Variants in PPME1 observed in about 807,000 individuals in gnomAD.
PPME1 encodes protein phosphatase methylesterase 1, also known as testicular secretory protein Li 39.
A neutral mutation model predicts 56.9 loss-of-function variants in PPME1; 17 were observed. The observed-to-expected ratio is 0.30, with a 90% CI of 0.20 to 0.45. The LOEUF (loss-of-function observed/expected upper bound fraction) is 0.45. Among genes scored for constraint, PPME1 ranks in the 20% least tolerant of loss-of-function variants. The pLI, the probability that PPME1 is intolerant of heterozygous loss-of-function variation, is 1.00. For missense variants in PPME1, 357 were observed against 483.2 expected, an observed-to-expected ratio of 0.74 and a Z score of 2.45; for synonymous variants, 122 against 156.2, an observed-to-expected ratio of 0.78 and a Z score of 1.63.
chr11:74,171,434 G>A lies in PPME1; in HGVS notation c.13G>A (p.Glu5Lys), dbSNP rs764593205. The A allele has an allele frequency of 9.9e-6, 16 of 1,612,286 alleles. No individual in the cohort carries two copies. The South Asian group carries it at 1.7e-4, about 17-fold the overall frequency. The change falls in exon 1 of 14, where the codon GAA (glutamate) becomes AAA (lysine). Residue 5 changes from glutamate (E) to lysine (K), a missense_variant. By Grantham distance (56) the Glu-to-Lys change is moderately conservative. Around this residue, in one of 2 missense-constraint regions of PPME1, gnomAD observed 175 missense variants for 189.4 expected, o/e 0.92. Coordinates refer to ENST00000328257, the MANE Select transcript of PPME1 (RefSeq NM_016147.3). ...CAGCCTCCCCTCGATGTCGGCCCTC[G>A]AAAAGAGCATGCACCTCGGCCGCCT... MSAL[E>K]KSMHLGRLPS...
chr11:74,252,332 C>T (rs977090449), intron 13 of PPME1: 2 of 412,622 alleles, frequency 4.8e-6, no homozygotes, highest in African/African-American at 2.0e-5. Context: ...AAGTGATCCA[C>T]CCGCATCGGC....
At chr11:74,189,598 C>A (rs1250449140) in intron 1 of PPME1, among the ~76,000 whole-genome samples, 1 of 152,200 alleles carries the variant, frequency 6.6e-6, no homozygotes, top group Non-Finnish European at 1.5e-5. Flanking sequence ...TTGCACCTGG[C>A]TTGCCTACTG....
chr11:74,217,726 A>G (rs546938175), intron 3 of PPME1, among the ~76,000 whole-genome samples: 2 of 152,112 alleles, frequency 1.3e-5, no homozygotes, highest in South Asian at 2.1e-4. Context: ...ATAAAATTCA[A>G]CATCCCTTCA....
chr11:74,200,997 A>G (rs1858147744), intron 1 of PPME1, among the ~76,000 whole-genome samples: 1 of 149,498 alleles, frequency 6.7e-6, no homozygotes, highest in Non-Finnish European at 1.5e-5. Context: ...TTTTTTTGAG[A>G]TGGAGTCTCG....
rs1293977512 is a variant in PPME1, at chr11:74,230,038, AT to A, written c.399-204del. 6.6e-6 allele frequency among the ~76,000 whole-genome samples: 1 copy of A among 152,210 alleles called. No homozygotes were observed. Among genetic ancestry groups the A allele is most frequent in the Non-Finnish European group, 1.5e-5 (1 of 68,034 alleles). ...TTGGGTTCTTAGTCCTTTACCTGCC[AT>A]TTATCAGGAGAGCTAGGTGTGTGGC... On this transcript the variant is annotated intron_variant, in intron 5 of 13. Transcript: ENST00000328257. This position sits in a 1 kb window ranked among gnomAD's most constrained non-coding sequence, Gnocchi z 4.9.
At chr11:74,218,225 T>C (rs927410504) in intron 3 of PPME1, among the ~76,000 whole-genome samples, 1 of 151,396 alleles carries the variant, frequency 6.6e-6, no homozygotes, top group Non-Finnish European at 1.5e-5. Flanking sequence ...TACAATGAAA[T>C]GTATAAAACA....
chr11:74,228,320 C>G (rs913142303), intron 5 of PPME1, among the ~76,000 whole-genome samples: 1 of 152,122 alleles, frequency 6.6e-6, no homozygotes, highest in African/African-American at 2.4e-5. Context: ...TGTTACTACT[C>G]TAAAGACCAC....
intron 1 of PPME1, among the ~76,000 whole-genome samples, chr11:74,175,980 C>T (rs1425049309): frequency 6.6e-6 from 1 of 152,294 alleles, no homozygotes. Flanking sequence ...TGAAGCCCAA[C>T]TTAGGTATTT....
chr11:74,223,947 A>T (rs1405524592), intron 4 of PPME1, among the ~76,000 whole-genome samples: 4 of 151,280 alleles, frequency 2.6e-5, no homozygotes, highest in African/African-American at 7.3e-5. Context: ...CTTTAGTTTA[A>T]TTAGATCCCA....
rs1455863090 is a variant in PPME1 at position 74,239,199 on chromosome 11, A to G, written c.777A>G (p.Glu259=). The G allele has an allele frequency of 6.2e-7, 1 of 1,613,644 alleles. No homozygotes were observed. Residue 259 remains glutamate (E), a synonymous_variant, in exon 9 of 14, where the codon GAA becomes GAG. Coordinates refer to ENST00000328257, the MANE Select transcript of PPME1 (RefSeq NM_016147.3). ...TGGAAGGAATCATAGAGGAAGAAGA[A>G]GAAGATGAGGAAGGAAGTGAGTCTA... ...SIVEGIIEEE[E]EDEEGSESIS... is the part of the protein sequence containing the mutation.
chr11:74,237,583 C>CTTTTT (rs34476332), intron 8 of PPME1, among the ~76,000 whole-genome samples: 2 of 150,260 alleles, frequency 1.3e-5, no homozygotes, highest in African/African-American at 2.4e-5. Context: ...CCAATTGTCT[C>CTTTTT]TTTTTTTTTA....
intron 5 of PPME1, 46 bp downstream of exon 5, chr11:74,225,302 A>G: frequency 7.6e-7 from 1 of 1,311,016 alleles, no homozygotes; most frequent in South Asian, 1.4e-5. Context: ...TCCCATCACT[A>G]TTATAAATAG....
chr11:74,243,701 T>C (rs2135675492), intron 9 of PPME1: 1 of 152,022 alleles, frequency 6.6e-6, no homozygotes, highest in African/African-American at 2.4e-5. Flanking sequence ...AGAAAATCAG[T>C]GGCAAAGATA....
intron 1 of PPME1, among the ~76,000 whole-genome samples, chr11:74,179,783 A>G (rs1190385941): frequency 6.6e-6 from 1 of 152,178 alleles, no homozygotes; most frequent in African/African-American, 2.4e-5. Flanking sequence ...GACCTACCAC[A>G]ACCCTCAGCC....
intron 5 of PPME1, among the ~76,000 whole-genome samples, chr11:74,227,472 T>C (rs1858959996): frequency 7.1e-6 from 1 of 140,758 alleles, no homozygotes; most frequent in South Asian, 2.1e-4. Flanking sequence ...TCAGTTACTG[T>C]GGAAAAAAAA....
chr11:74,191,060 G>A (rs1300204186), intron 1 of PPME1, among the ~76,000 whole-genome samples: 2 of 152,216 alleles, frequency 1.3e-5, no homozygotes, highest in Admixed American at 1.3e-4. Context: ...GCAAAGGAAT[G>A]ACTTAAAGTT....
chr11:74,240,980 A>C (rs571802379), intron 9 of PPME1, among the ~76,000 whole-genome samples: 27 of 152,356 alleles, frequency 1.8e-4, no homozygotes, highest in Non-Finnish European at 1.3e-4. Context: ...GTCACACATA[A>C]AAGTTAAAGC....
At chr11:74,214,771 GAC>G (rs1315963402) in intron 3 of PPME1, among the ~76,000 whole-genome samples, 1 of 151,526 alleles carries the variant, frequency 6.6e-6, no homozygotes, top group Non-Finnish European at 1.5e-5. Flanking sequence ...GACTTTCCCA[GAC>G]ACACAAAAGC....
At chr11:74,180,799 TAGTATTCA>T (rs1350514946) in intron 1 of PPME1, among the ~76,000 whole-genome samples, 1 of 152,232 alleles carries the variant, frequency 6.6e-6, no homozygotes, top group African/African-American at 2.4e-5. Context: ...CCTTATTTTA[TAGTATTCA>T]ATTTTTCTGC....
Sources: gnomAD v4.1 joint callset for allele counts (sites outside exome capture counted in the v4.1 genomes callset) on GRCh38, gnomAD v4.1.1 for gene constraint, gnomAD v4.1.1 regional missense constraint, Gnocchi (gnomAD v3.1) non-coding constraint, MANE v1.5 for transcripts, NCBI Gene and HGNC (gene_info 2026-07-23, HGNC 2026-07-21) for gene names.